Variants in LRR1 observed in about 807,000 individuals in gnomAD.
The protein encoded by LRR1 is leucine-rich repeat protein 1.
Under a neutral mutation model 31.6 loss-of-function variants are expected in LRR1, and 29 were observed. That is an observed-to-expected ratio of 0.92 (90% CI 0.68 to 1.25). LRR1 has a LOEUF of 1.25. LRR1 is among the 50% of genes most tolerant of loss of function. The probability of loss-of-function intolerance (pLI) is 0.00; values close to 1 mark genes in which losing one functional copy is unlikely to be tolerated. For synonymous variants in LRR1, 179 were observed against 181.4 expected (o/e 0.99, Z 0.10); for missense variants, 485 against 487.2 (o/e 1.00, Z 0.04).
intron 2 of LRR1, among the ~76,000 whole-genome samples, chr14:49,602,696 A>G (rs2078601201): frequency 6.6e-6 from 1 of 151,962 alleles, no homozygotes; most frequent in South Asian, 2.1e-4. Context: ...GAGTCTTGAT[A>G]TGATGTTGCC....
At chr14:49,603,402 G>A (rs1882146219) in intron 2 of LRR1, 3 of 175,252 alleles carry the variant, frequency 1.7e-5, no homozygotes, top group Non-Finnish European at 3.6e-5. Context: ...CAACTGCACA[G>A]GTCTACATTT....
chr14:49,612,474 C>T, intron 3 of LRR1: 1 of 1,247,260 alleles, frequency 8.0e-7, no homozygotes. Context: ...CAATCTAGAA[C>T]CATCTATCCG....
At chr14:49,604,974 C>T (rs1000022014) in intron 2 of LRR1, among the ~76,000 whole-genome samples, 2 of 151,724 alleles carry the variant, frequency 1.3e-5, no homozygotes, top group East Asian at 1.9e-4. Flanking sequence ...CAGCTCACTG[C>T]ACCCTCGACC....
intron 3 of LRR1, among the ~76,000 whole-genome samples, chr14:49,610,304 GCGCAAGCGGC>G (rs1882464889): frequency 1.3e-4 from 2 of 15,738 alleles, no homozygotes; most frequent in African/African-American, 5.9e-4. Flanking sequence ...GGAGTGCAGT[GCGCAAGCGGC>G]TGGAGTGCAG....
Position 49,614,241 on chromosome 14 carries a change from C to A in LRR1, c.1005-15C>A. The A allele has an allele frequency of 8.8e-6, 14 of 1,599,382 alleles. No homozygotes were observed. The highest frequency in any genetic ancestry group is 1.1e-5 in the Non-Finnish European group (13 of 1,173,438). On this transcript the variant is annotated splice_polypyrimidine_tract_variant and intron_variant, in intron 3 of 3. Coordinates refer to ENST00000298288, the MANE Select transcript of LRR1 (RefSeq NM_152329.4). ...GTAACATGTTATAAAATATTTTTAT[C>A]ATTCTTTCCAATAGGATTCCATATG...
intron 3 of LRR1, among the ~76,000 whole-genome samples, chr14:49,608,982 C>G (rs1212569712): frequency 2.9e-5 from 4 of 138,146 alleles, no homozygotes; most frequent in Non-Finnish European, 6.1e-5. Flanking sequence ...GAAGCGATCT[C>G]GGCTCACTGC....
intron 3 of LRR1, among the ~76,000 whole-genome samples, chr14:49,611,812 A>G (rs1882521573): frequency 6.6e-6 from 1 of 151,930 alleles, no homozygotes; most frequent in Admixed American, 6.6e-5. Context: ...AGTCTCAGCT[A>G]CTGGGGAGGC....
chr14:49,599,550 G>A (rs1257382321), intron 1 of LRR1, among the ~76,000 whole-genome samples: 3 of 152,240 alleles, frequency 2.0e-5, no homozygotes, highest in Admixed American at 6.5e-5. Context: ...CAGCTGTCCA[G>A]TTGGGGAACA....
chr14:49,599,625 A>AGCAGGTG (rs1881958738), intron 1 of LRR1, among the ~76,000 whole-genome samples: 1 of 151,058 alleles, frequency 6.6e-6, no homozygotes, highest in South Asian at 2.1e-4. Flanking sequence ...AGCTTAAAAA[A>AGCAGGTG]GCAGGTCGGC....
intron 3 of LRR1, among the ~76,000 whole-genome samples, chr14:49,609,485 A>G: frequency 6.6e-6 from 1 of 150,672 alleles, no homozygotes; most frequent in East Asian, 2.0e-4. Flanking sequence ...GCTCACTGCA[A>G]CCTCTGCTTC....
chr14:49,606,383 G>A lies in LRR1; in HGVS notation c.283-1017G>A, dbSNP rs367917822. ...GACCGAGTTTCACTTGTGTCGCCCA[G>A]GCTGGAGTGCAGTGGCGCGATCTCG... On this transcript the variant is annotated intron_variant, in intron 2 of 3. Transcript: ENST00000298288. 2.0e-5 allele frequency among the ~76,000 whole-genome samples: 3 copies of A among 151,976 alleles called. No homozygotes were observed. In the East Asian group the frequency reaches 5.8e-4, roughly 29 times the overall value.
chr14:49,609,699 G>T (rs547198157), intron 3 of LRR1, among the ~76,000 whole-genome samples: 2 of 149,320 alleles, frequency 1.3e-5, no homozygotes, highest in Admixed American at 6.7e-5. Flanking sequence ...GAGCCACCGC[G>T]CCTGGCCTTA....
rs114316312 is a variant in LRR1 at position 49,605,035 on chromosome 14, A to G, written c.283-2365A>G. ...CTCAGCCTCCCAAGTAACTGGGACT[A>G]TAGGGGCACAACACCATACCAGGCT... is the stretch of plus-strand genomic sequence containing the variant. On this transcript the variant is annotated intron_variant, in intron 2 of 3. Transcript: ENST00000298288. 3.4e-3 allele frequency among the ~76,000 whole-genome samples: 520 copies of G among 152,106 alleles called. 4 individuals carry two copies. Among genetic ancestry groups the G allele is most frequent in the African/African-American group, 0.012 (487 of 41,492 alleles).
intron 1 of LRR1, chr14:49,599,915 A>C (rs1881980996): frequency 9.0e-7 from 1 of 1,113,740 alleles, no homozygotes; most frequent in African/African-American, 1.8e-5. Context: ...CGGACCCTCC[A>C]GGCGGGCTGA....
In LRR1 at chr14:49,602,284, A is replaced by G. The variant is rs374609469; in HGVS notation, c.184-86A>G. 1.0e-4 allele frequency: 124 copies of G among 1,202,928 alleles called. No individual in the cohort carries two copies. The East Asian group carries it at 1.6e-3, about 15-fold the overall frequency. 74.5% of individuals were successfully genotyped at this position (1,202,928 alleles called of 1,614,324 possible). On this transcript the variant is annotated intron_variant, in intron 1 of 3. Transcript: ENST00000298288. The stretch of plus-strand genomic sequence containing the variant: ...CTAAAAGCCAAACCAAAGCCTGGCA[A>G]AGTAACTGGCACATTCTAGTTGTAA...
chr14:49,602,529 C>A, intron 2 of LRR1, 61 bp downstream of exon 2: 2 of 1,404,864 alleles, frequency 1.4e-6, no homozygotes, highest in African/African-American at 1.4e-5. Context: ...TTTTTAGAAA[C>A]AGAGTCTTGT....
intron 3 of LRR1, among the ~76,000 whole-genome samples, chr14:49,610,854 A>G: frequency 6.6e-6 from 1 of 152,102 alleles, no homozygotes. Context: ...GAGCCACCAC[A>G]CCCAGCCTGT....
Position 49,614,524 on chromosome 14 carries a change from A to G in LRR1, c.*28A>G, listed in dbSNP as rs773339057. ...GGTGAGACCAGAAAAAGAAATTTCA[A>G]TAACAGATCAGTTTGGGGTGCATGT... On this transcript the variant is annotated 3_prime_UTR_variant, in exon 4 of 4. Coordinates refer to ENST00000298288, the MANE Select transcript of LRR1 (RefSeq NM_152329.4). The G allele has an allele frequency of 1.4e-5, 22 of 1,612,658 alleles. No homozygotes were observed. The South Asian group carries it at 2.3e-4, about 17-fold the overall frequency.
chr14:49,606,684 T>C (rs1191568591), intron 2 of LRR1, among the ~76,000 whole-genome samples: 6 of 148,106 alleles, frequency 4.1e-5, no homozygotes, highest in African/African-American at 1.5e-4. Flanking sequence ...TCAGATAGAG[T>C]CTTGCTCTGT....
Sources: gnomAD v4.1 joint callset for allele counts (sites outside exome capture counted in the v4.1 genomes callset) on GRCh38, gnomAD v4.1.1 for gene constraint, MANE v1.5 for transcripts, NCBI Gene and HGNC (gene_info 2026-07-23, HGNC 2026-07-21) for gene names.